Variants in ANK1 observed in about 807,000 individuals in gnomAD.
The protein encoded by ANK1 is ankyrin 1, also known as ankyrin-1.
Under a neutral mutation model 210.4 loss-of-function variants are expected in ANK1, and 51 were observed. The ratio of observed to expected loss-of-function variants is 0.24; its 90% CI spans 0.19 to 0.31. The LOEUF is 0.31. ANK1 is among the 10% of genes least tolerant of loss of function. The probability of loss-of-function intolerance (pLI) is 1.00; values close to 1 mark genes in which losing one functional copy is unlikely to be tolerated. For missense variants in ANK1, 2,051 were observed against 2,504.4 expected (o/e 0.82, Z 3.86); for synonymous variants, 967 against 1,025.9 (o/e 0.94, Z 1.10).
At chr8:41,798,290 C>T (rs182486840), upstream of ANK1, among the ~76,000 whole-genome samples, 1 of 152,046 alleles carries the variant, frequency 6.6e-6, no homozygotes, top group East Asian at 1.9e-4. Context: ...TCACTAGGGC[C>T]CCATGCTGCT....
intron 1 of ANK1, among the ~76,000 whole-genome samples, chr8:41,854,717 G>A (rs1224004288): frequency 1.3e-5 from 2 of 152,158 alleles, no homozygotes; most frequent in Non-Finnish European, 2.9e-5. Flanking sequence ...ACAGAGGAGG[G>A]TGACTTCAGG....
At chr8:41,896,670 C>A (rs560029426) in exon 1 of ANK1, 8,942 of 630,612 alleles carry the variant, frequency 0.014, 87 homozygotes, top group Non-Finnish European at 0.017. Flanking sequence ...GGGCGAGGGG[C>A]GGCTGCCCGC....
At chr8:41,809,661 G>A (rs975452011) in intron 1 of ANK1, among the ~76,000 whole-genome samples, 2 of 152,070 alleles carry the variant, frequency 1.3e-5, no homozygotes, top group African/African-American at 4.8e-5. Flanking sequence ...CCAGCTATTC[G>A]GGAGGCTGAG....
intron 1 of ANK1, among the ~76,000 whole-genome samples, chr8:41,793,798 T>C (rs531954572): frequency 1.3e-5 from 2 of 152,356 alleles, no homozygotes; most frequent in Admixed American, 1.3e-4. Flanking sequence ...TGTGATTTTA[T>C]AGTGGCTCCC....
chr8:41,763,900 T>TC (rs1206133110), intron 1 of ANK1, among the ~76,000 whole-genome samples: 2 of 125,866 alleles, frequency 1.6e-5, no homozygotes, highest in Non-Finnish European at 3.4e-5. Context: ...TTTTTTTTTT[T>TC]TTTTTTTTTT....
At chr8:41,720,010 T>C in intron 9 of ANK1, 152 bp from the exon 10 acceptor site, 1 of 896,230 alleles carries the variant, frequency 1.1e-6, no homozygotes, top group South Asian at 1.4e-5. Flanking sequence ...GCCTCCACGC[T>C]CCTGCCGGTC....
rs187894906 is a variant in ANK1 at position 41,811,893 on chromosome 8, A to G, written c.127-53756T>C. 1.8e-4 allele frequency among the ~76,000 whole-genome samples: 28 copies of G among 152,328 alleles called. No homozygotes were observed. The East Asian group carries it at 5.0e-3, about 27-fold the overall frequency. ...TCAAGATCTTTCAGAGGTGGTGATG[A>G]CATACCTGTATATGTCCTAACACAA... On this transcript the variant is annotated intron_variant, in intron 1 of 42. Coordinates refer to the ANK1 transcript ENST00000265709.
intron 1 of ANK1, among the ~76,000 whole-genome samples, chr8:41,885,712 T>C (rs147991085): frequency 1.6e-3 from 244 of 152,342 alleles, no homozygotes; most frequent in African/African-American, 5.7e-3. Context: ...GTGTGGTCAA[T>C]GGTAGCAACC....
intron 2 of ANK1, among the ~76,000 whole-genome samples, chr8:41,744,242 G>A (rs1215863494): frequency 6.6e-6 from 1 of 151,948 alleles, no homozygotes; most frequent in African/African-American, 2.4e-5. Context: ...AAATTAATGG[G>A]GAAAAGAAAA....
chr8:41,757,395 G>T (rs547796216), intron 2 of ANK1, among the ~76,000 whole-genome samples: 3 of 152,276 alleles, frequency 2.0e-5, no homozygotes, highest in South Asian at 4.1e-4. Flanking sequence ...CTTCCTGGAG[G>T]GTCATTGCCT....
At chr8:41,805,505 C>T (rs1216314091) in intron 1 of ANK1, among the ~76,000 whole-genome samples, 1 of 151,952 alleles carries the variant, frequency 6.6e-6, no homozygotes, top group African/African-American at 2.4e-5. Flanking sequence ...ATTCAGCTTC[C>T]CCGAGTACTA....
rs747698530 is a variant in ANK1 at position 41,728,021 on chromosome 8, G to C, written c.229-15C>G. The C allele has an allele frequency of 6.2e-7, 1 of 1,613,284 alleles. No homozygotes were observed. Among genetic ancestry groups the C allele is most frequent in the Non-Finnish European group, 8.5e-7 (1 of 1,179,726 alleles). On this transcript the variant is annotated splice_polypyrimidine_tract_variant and intron_variant, in intron 3 of 42. Transcript: ENST00000289734. The stretch of plus-strand genomic sequence containing the variant: ...GTGTTCCCCTTCTGAAACACATGGG[G>C]GAAGGGAACAGAGGCGGTTTCCCAC...
At chr8:41,828,143 T>C (rs1805841701) in intron 1 of ANK1, 1 of 152,252 alleles carries the variant, frequency 6.6e-6, no homozygotes, top group African/African-American at 2.4e-5. Context: ...GGAATCAAAA[T>C]GATGGAGTTC....
chr8:41,875,020 A>T (rs904932079), intron 1 of ANK1, among the ~76,000 whole-genome samples: 3 of 152,120 alleles, frequency 2.0e-5, no homozygotes, highest in African/African-American at 7.2e-5. Context: ...TCCAGAGAGG[A>T]CGGGCCCAGC....
intron 1 of ANK1, among the ~76,000 whole-genome samples, chr8:41,838,680 G>A (rs555748665): frequency 1.3e-5 from 2 of 151,576 alleles, no homozygotes; most frequent in African/African-American, 4.9e-5. Context: ...CAGGAGAATC[G>A]CTTGAACCCG....
chr8:41,863,084 C>A (rs1465366223), intron 1 of ANK1, among the ~76,000 whole-genome samples: 2 of 150,630 alleles, frequency 1.3e-5, no homozygotes, highest in Non-Finnish European at 3.0e-5. Context: ...TATAGCCGGG[C>A]GCGGTGGCTC....
Position 41,723,158 on chromosome 8 carries a change from C to A in ANK1, c.876G>T (p.Leu292=). 6.2e-7 allele frequency: 1 copy of A among 1,614,156 alleles called. No homozygotes were observed. The highest frequency in any genetic ancestry group is 8.5e-7 in the Non-Finnish European group (1 of 1,180,036). The part of the protein sequence containing the change: ...NGHVRISEIL[L]DHGAPIQAKT... ...TGGCTTGGATTGGTGCCCCGTGGTC[C>A]AGCAGGATCTCTGAGATTCGCACGT... The change falls in exon 9 of 43, where the codon CTG becomes CTT. Residue 292 remains leucine, a synonymous_variant. Transcript: ENST00000289734.
chr8:41,759,688 T>C (rs2150715412), intron 1 of ANK1, among the ~76,000 whole-genome samples: 1 of 152,316 alleles, frequency 6.6e-6, no homozygotes, highest in Non-Finnish European at 1.5e-5. Context: ...TGAGGATCTG[T>C]GGATTTTGGT....
chr8:41,708,856 G>C lies in ANK1; in HGVS notation c.1920C>G (p.His640Gln). 1.9e-6 allele frequency: 3 copies of C among 1,614,078 alleles called. No individual in the cohort carries two copies. Among genetic ancestry groups the C allele is most frequent in the Non-Finnish European group, 2.5e-6 (3 of 1,180,032 alleles). ...AESVQGVTPL[H>Q]LAAQEGHAEM... is the part of the protein sequence containing the mutation. ...CTGCGTGGCCCTCCTGGGCGGCCAG[G>C]TGAAGGGGCGTCACACCTTGCACCG... Residue 640 changes from histidine (H) to glutamine (Q), a missense_variant, in exon 17 of 43, where the codon CAC (histidine) becomes CAG (glutamine). Physicochemically the swap from His to Gln is conservative, Grantham distance 24. Transcript: ENST00000289734.
Sources: gnomAD v4.1 joint callset for allele counts (sites outside exome capture counted in the v4.1 genomes callset) on GRCh38, gnomAD v4.1.1 for gene constraint, MANE v1.5 for transcripts, NCBI Gene and HGNC (gene_info 2026-07-23, HGNC 2026-07-21) for gene names.